The following MED16 variants were observed in gnomAD, a reference collection of about 807,000 sequenced individuals.
MED16 encodes mediator of RNA polymerase II transcription subunit 16.
Under a neutral mutation model 84.4 loss-of-function variants are expected in MED16, and 81 were observed. The observed-to-expected ratio is 0.96, with a 90% confidence interval of 0.80 to 1.15. The LOEUF (loss-of-function observed/expected upper bound fraction) is 1.15, where lower values mean the gene tolerates loss of function less well. Among genes scored for constraint, MED16 ranks in the 50% most tolerant of loss-of-function variants. MED16 has a pLI of 0.00. For synonymous variants in MED16, 897 were observed against 552.2 expected (o/e 1.62, Z -8.76); for missense variants, 1,585 against 1,245.9 (o/e 1.27, Z -4.10).
chr19:871,143 C>A lies in MED16; in HGVS notation c.2209G>T (p.Gly737Cys). 1 of 1,548,274 alleles carries A rather than the reference C, an allele frequency of 6.5e-7. No individual in the cohort carries two copies. Among genetic ancestry groups the A allele is most frequent in the Non-Finnish European group, 8.7e-7 (1 of 1,145,646 alleles). Residue 737 changes from glycine (G) to cysteine (C), a missense_variant, in exon 13 of 16, where the codon GGC becomes TGC. Physicochemically the swap from Gly to Cys is radical, Grantham distance 159. Transcript: ENST00000325464. Reference protein sequence around the residue: ...PSLDWLPASDGLVSRLQPKQP... With the variant: ...PSLDWLPASDCLVSRLQPKQP... ...TTGGGCTGCAGGCGGCTAACCAGGC[C>A]GTCGCTGGCTGGCAGCCAGTCCAGG...
At chr19:876,741 G>T (rs1030071160) in intron 9 of MED16, among the ~76,000 whole-genome samples, 7 of 151,990 alleles carry the variant, frequency 4.6e-5, no homozygotes, top group Non-Finnish European at 8.8e-5. Flanking sequence ...CATCTGCCGT[G>T]GGGACCTCTA....
At chr19:888,401 G>A (rs2145252377) in intron 4 of MED16, among the ~76,000 whole-genome samples, 1 of 151,480 alleles carries the variant, frequency 6.6e-6, no homozygotes, top group South Asian at 2.1e-4. Flanking sequence ...GTGGGTGCCT[G>A]TAATCCCAGC....
chr19:886,635 A>C (rs1235130192), intron 4 of MED16, among the ~76,000 whole-genome samples: 2 of 152,260 alleles, frequency 1.3e-5, no homozygotes, highest in Non-Finnish European at 2.9e-5. Context: ...CCTGGGCCGC[A>C]CTGTGCAGAC....
chr19:882,182 G>A (rs897210437), intron 6 of MED16, among the ~76,000 whole-genome samples: 3 of 152,244 alleles, frequency 2.0e-5, no homozygotes, highest in Non-Finnish European at 4.4e-5. Flanking sequence ...CAACAGGGCA[G>A]AGACTTCTGG....
At chr19:887,352 G>A (rs969196194) in intron 4 of MED16, among the ~76,000 whole-genome samples, 4 of 152,232 alleles carry the variant, frequency 2.6e-5, no homozygotes, top group Non-Finnish European at 4.4e-5. Flanking sequence ...GAGCACATGT[G>A]CCTTTTATTA....
rs2036428541 is a variant in MED16 at position 881,861 on chromosome 19, G to A, written c.986-147C>T. 5 of 986,974 alleles carry A rather than the reference G, an allele frequency of 5.1e-6. No homozygotes were observed. In the African/African-American group the frequency reaches 6.5e-5, roughly 13 times the overall value. 61.1% of individuals were successfully genotyped at this position (986,974 alleles called of 1,614,324 possible). ...CCCTGCTCCCATGCCCAGAAGACCA[G>A]GCCCGGCCAATCCGAGCGCTTCGTG... On this transcript the variant is annotated intron_variant, in intron 6 of 15. Coordinates refer to ENST00000325464, the MANE Select transcript of MED16 (RefSeq NM_005481.3).
In MED16 at chr19:869,002, G is replaced by A. The variant is rs80126239; in HGVS notation, c.2316-56C>T. On this transcript the variant is annotated intron_variant, in intron 13 of 15. Coordinates refer to ENST00000325464, the MANE Select transcript of MED16 (RefSeq NM_005481.3). Reference sequence around the variant, plus strand: ...CCTGGGCACCACGAGGCCAGGTTCCGGCAGGGGCATCTGTCCACAGGCGGG... The same window carrying A: ...CCTGGGCACCACGAGGCCAGGTTCCAGCAGGGGCATCTGTCCACAGGCGGG... 1,722 of 1,448,054 alleles carry A rather than the reference G, an allele frequency of 1.2e-3. 10 individuals are homozygous for A. In the East Asian group the frequency reaches 0.015, roughly 13 times the overall value. The allele number at this position is 1,448,054 out of a possible 1,614,324, so 89.7% of individuals were successfully genotyped here. A position where few individuals can be genotyped will look rare whatever the true frequency, so the allele number is the denominator to read the frequency against.
intron 4 of MED16, among the ~76,000 whole-genome samples, chr19:888,952 G>A (rs932702501): frequency 2.6e-5 from 4 of 152,126 alleles, no homozygotes; most frequent in South Asian, 2.1e-4. Flanking sequence ...GAACATCCCC[G>A]AGACCCTGCC....
rs1412965338 is a variant in MED16, at chr19:885,826, C to T, written c.823G>A (p.Asp275Asn). 3 of 1,613,532 alleles carry T rather than the reference C, an allele frequency of 1.9e-6. No homozygotes were observed. Among genetic ancestry groups the T allele is most frequent in the Non-Finnish European group, 2.5e-6 (3 of 1,179,966 alleles). Residue 275 changes from aspartate to asparagine, a missense_variant, in exon 5 of 16, where the codon GAC becomes AAC. By Grantham distance (23) the Asp-to-Asn change is conservative (BLOSUM62 1). Coordinates refer to ENST00000325464, the MANE Select transcript of MED16 (RefSeq NM_005481.3). ...AGGTGGGTGATGGCGGGAAACTTGT[C>T]CTTGCGGTTGAGGTCGGTGGTGCAG... ...MRCTTDLNRK[D>N]KFPAITHLKF... is the part of the protein sequence containing the mutation.
In MED16 at chr19:889,738, T is replaced by A; in HGVS notation, c.347A>T (p.Asn116Ile). The A allele has an allele frequency of 6.2e-7, 1 of 1,613,690 alleles. No individual in the cohort carries two copies. The highest frequency in any genetic ancestry group is 8.5e-7 in the Non-Finnish European group (1 of 1,179,928). Residue 116 changes from asparagine to isoleucine, a missense_variant, in exon 4 of 16, where the codon AAT becomes ATT. By Grantham distance (149) the Asn-to-Ile change is moderately radical (BLOSUM62 -3). Transcript: ENST00000325464. Reference sequence around the variant, plus strand: ...GCTGCCCACTGAGCTCTCCCAGCTATTAGCCAGGTGGTCCGCCATGCTCCA... The same window carrying A: ...GCTGCCCACTGAGCTCTCCCAGCTAATAGCCAGGTGGTCCGCCATGCTCCA... ...KCWSMADHLA[N>I]SWESSVGSLV...
At chr19:877,916 C>G (rs2036295932) in intron 8 of MED16, among the ~76,000 whole-genome samples, 2 of 141,172 alleles carry the variant, frequency 1.4e-5, no homozygotes, top group South Asian at 4.6e-4. Flanking sequence ...CCCCACGTGC[C>G]CCAGCAGCTC....
intron 6 of MED16, among the ~76,000 whole-genome samples, chr19:883,104 T>C (rs1190058969): frequency 6.6e-6 from 1 of 152,116 alleles, no homozygotes; most frequent in South Asian, 2.1e-4. Flanking sequence ...TTACATCCCC[T>C]CCTCCATCCA....
chr19:874,974 C>A (rs1182795333), intron 10 of MED16, among the ~76,000 whole-genome samples: 1 of 151,178 alleles, frequency 6.6e-6, no homozygotes, highest in Non-Finnish European at 1.5e-5. Context: ...ACCAGCCTGG[C>A]CAACATGGTG....
chr19:887,460 G>T (rs1232097771), intron 4 of MED16, among the ~76,000 whole-genome samples: 1 of 152,096 alleles, frequency 6.6e-6, no homozygotes, highest in Non-Finnish European at 1.5e-5. Flanking sequence ...AAGGTCAGGA[G>T]TTCGACACCA....
intron 6 of MED16, among the ~76,000 whole-genome samples, chr19:882,153 G>C (rs150418941): frequency 2.5e-3 from 382 of 152,358 alleles, no homozygotes; most frequent in African/African-American, 8.9e-3. Flanking sequence ...CAGCCCCTGC[G>C]TGAAGACGCA....
intron 10 of MED16, 138 bp from the exon 11 acceptor site, chr19:873,720 A>AG: frequency 1.9e-6 from 2 of 1,037,620 alleles, no homozygotes; most frequent in Non-Finnish European, 2.8e-6. Context: ...GGGAACGAGA[A>AG]GGGGGCGATG....
intron 6 of MED16, among the ~76,000 whole-genome samples, chr19:882,180 CAG>C (rs1327827685): frequency 6.6e-6 from 1 of 152,258 alleles, no homozygotes. Flanking sequence ...CCCAACAGGG[CAG>C]AGACTTCTGG....
At chr19:868,826 A>T in intron 14 of MED16, 37 bp downstream of exon 14, 1 of 1,532,954 alleles carries the variant, frequency 6.5e-7, no homozygotes, top group South Asian at 1.2e-5. Context: ...CCCCAGCGGC[A>T]CATCTCTGGG....
chr19:886,290 C>T (rs548829741), intron 4 of MED16, 89 bp from the exon 5 acceptor site: 17 of 1,182,064 alleles, frequency 1.4e-5, no homozygotes, highest in South Asian at 8.1e-5. Flanking sequence ...AGAAGAACCA[C>T]GCAGAAGCCA....
Sources: allele counts gnomAD v4.1 joint callset (sites outside exome capture counted in the v4.1 genomes callset), GRCh38; gene constraint gnomAD v4.1.1; transcripts MANE v1.5; gene names NCBI Gene and HGNC (gene_info 2026-07-23, HGNC 2026-07-21).